WDR3: variants seen among roughly 807,000 people sequenced by gnomAD.
WDR3 encodes the protein WD repeat-containing protein 3.
In WDR3, 81 loss-of-function variants were observed where a neutral mutation model predicts 123.7. The observed-to-expected ratio is 0.65, with a 90% CI of 0.55 to 0.79. The LOEUF (loss-of-function observed/expected upper bound fraction) is 0.79, where lower values mean the gene tolerates loss of function less well. Ranked by LOEUF, WDR3 falls within the 30% of genes least tolerant of loss-of-function variation. The probability of loss-of-function intolerance (pLI) is 0.00; values close to 1 mark genes in which losing one functional copy is unlikely to be tolerated. For missense variants in WDR3, 1,027 were observed against 1,123.2 expected (o/e 0.91, Z 1.22); for synonymous variants, 390 against 388.8 (o/e 1.00, Z -0.04).
At chr1:117,941,283 A>T in intron 8 of WDR3, 58 bp downstream of exon 8, 1 of 1,508,462 alleles carries the variant, frequency 6.6e-7, no homozygotes, top group Non-Finnish European at 9.1e-7. Flanking sequence ...CCAAACACTC[A>T]TTCTTTCATA....
chr1:117,957,095 G>T lies in WDR3; in HGVS notation c.2481G>T (p.Leu827=), dbSNP rs1652316247. The T allele has an allele frequency of 1.9e-6, 3 of 1,600,992 alleles. No homozygotes were observed. Residue 827 remains leucine, a synonymous_variant, in exon 25 of 27, where the codon CTG becomes CTT. Transcript: ENST00000349139. ...SSELEESLLV[L]PFSYVPDILK... ...AGCTGGAAGAATCTCTACTTGTGCT[G>T]CCTTTCTCTTATGTCCCAGACATTC...
In WDR3 at chr1:117,938,480, T is replaced by C. The variant is rs1281734232; in HGVS notation, c.501T>C (p.Ser167=). ...ATTTTTTTCCTGTTTCTTCTTTTAG[T>C]GGGAAAGATACCATGGTGAAATGGT... is the stretch of plus-strand genomic sequence containing the variant. ...FLREKNLLVT[S]GKDTMVKWWD... Residue 167 remains serine (S), a splice_region_variant and synonymous_variant, in exon 5 of 27, where the codon AGT becomes AGC. Transcript: ENST00000349139. The C allele has an allele frequency of 1.9e-6, 3 of 1,611,966 alleles. No homozygotes were observed. The highest frequency in any genetic ancestry group is 2.5e-6 in the Non-Finnish European group (3 of 1,178,842).
At chr1:117,936,356 A>ACTAC (rs75986714) in intron 3 of WDR3, among the ~76,000 whole-genome samples, 68,656 of 151,698 alleles carry the variant, frequency 0.45, 15,769 homozygotes, top group South Asian at 0.63. Context: ...AAGGTTGGAA[A>ACTAC]CTAAATGTCT....
At position 117,941,207 on chromosome 1, in the gene WDR3, C is replaced by T. The variant is rs1651159164; in HGVS notation, c.873C>T (p.Gly291=). 6.2e-7 allele frequency: 1 copy of T among 1,614,058 alleles called. No individual in the cohort carries two copies. Among genetic ancestry groups the T allele is most frequent in the African/African-American group, 1.3e-5 (1 of 75,020 alleles). Residue 291 remains glycine, a synonymous_variant, in exon 8 of 27, where the codon GGC becomes GGT. Coordinates refer to ENST00000349139, the MANE Select transcript of WDR3 (RefSeq NM_006784.3). ...RVVNLAVDKT[G]RILACHGTDS... is the part of the protein sequence containing the mutation. ...TAAACCTTGCAGTCGACAAGACAGG[C>T]AGGATTCTTGCTTGCCATGTGAGTA...
intron 4 of WDR3, among the ~76,000 whole-genome samples, chr1:117,937,962 C>T (rs1006788779): frequency 1.3e-5 from 2 of 152,144 alleles, no homozygotes; most frequent in African/African-American, 4.8e-5. Context: ...GATGAGAGAA[C>T]AGCAATGGAC....
In WDR3 at chr1:117,960,827, TTGA is replaced by T. The variant is rs1255750456; in HGVS notation, c.*1382_*1384del. ...TGATCTGTATTTGTGTGTGTTAATGTTGATAATAGATTTGCGTGTATTTTATGG... is the reference window on the plus strand; with the variant it reads ...TGATCTGTATTTGTGTGTGTTAATGTTAATAGATTTGCGTGTATTTTATGG... On this transcript the variant is annotated 3_prime_UTR_variant, in exon 27 of 27. Transcript: ENST00000349139. 1 of 152,270 alleles carries T rather than the reference TTGA, an allele frequency of 6.6e-6. No individual in the cohort carries two copies. The highest frequency in any genetic ancestry group is 2.4e-5 in the African/African-American group (1 of 41,470). 9.4% of individuals were successfully genotyped at this position (152,270 alleles called of 1,614,324 possible).
intron 6 of WDR3, among the ~76,000 whole-genome samples, chr1:117,939,888 T>C (rs113860568): frequency 8.5e-5 from 13 of 152,318 alleles, no homozygotes; most frequent in African/African-American, 3.1e-4. Flanking sequence ...TCCCCTCAAA[T>C]ATATATGTAG....
chr1:117,937,442 A>G (rs1396436637), intron 4 of WDR3, among the ~76,000 whole-genome samples: 2 of 152,230 alleles, frequency 1.3e-5, no homozygotes, highest in Non-Finnish European at 2.9e-5. Flanking sequence ...AAGGTTTGCC[A>G]GGCATTAATT....
intron 13 of WDR3, 30 bp from the exon 14 acceptor site, chr1:117,949,721 T>C (rs1264100083): frequency 6.2e-7 from 1 of 1,608,260 alleles, no homozygotes; most frequent in Admixed American, 1.7e-5. Flanking sequence ...GCTAAAATAG[T>C]TTTTAATTGA....
intron 25 of WDR3, among the ~76,000 whole-genome samples, chr1:117,958,342 A>C (rs1346491735): frequency 6.6e-6 from 1 of 152,182 alleles, no homozygotes; most frequent in East Asian, 1.9e-4. Context: ...CATGTTACTA[A>C]CAATTTTTTT....
chr1:117,936,839 C>G lies in WDR3; in HGVS notation c.452C>G (p.Ala151Gly), dbSNP rs528506870. ...TACCGTCTAAAGGGGCACAAGGATG[C>G]CATCACACAAGCATTGTTTCTACGA... is the stretch of plus-strand genomic sequence containing the variant. ...GLYRLKGHKDAITQALFLREK... is the reference protein window; with the variant it reads ...GLYRLKGHKDGITQALFLREK... The change falls in exon 4 of 27, where the codon GCC becomes GGC. Residue 151 changes from alanine (A) to glycine (G), a missense_variant. By Grantham distance (60) the Ala-to-Gly change is moderately conservative. Coordinates refer to ENST00000349139, the MANE Select transcript of WDR3 (RefSeq NM_006784.3). The G allele has an allele frequency of 7.4e-6, 12 of 1,613,268 alleles. No individual in the cohort carries two copies. The African/African-American group carries it at 1.5e-4, about 20-fold the overall frequency.
chr1:117,947,887 A>T (rs1557821458), intron 12 of WDR3, among the ~76,000 whole-genome samples: 1 of 151,686 alleles, frequency 6.6e-6, no homozygotes. Flanking sequence ...TGCCATTATG[A>T]TTTTTTTTTA....
intron 11 of WDR3, 87 bp from the exon 12 acceptor site, chr1:117,945,999 C>T: frequency 3.3e-6 from 3 of 900,218 alleles, no homozygotes; most frequent in Non-Finnish European, 5.0e-6. Context: ...GTTGATCTGT[C>T]TAAGTGCATT....
chr1:117,932,348 G>C (rs1246953614), intron 1 of WDR3, among the ~76,000 whole-genome samples: 1 of 152,224 alleles, frequency 6.6e-6, no homozygotes, highest in Non-Finnish European at 1.5e-5. Context: ...AACTGCAATA[G>C]CAGCATCACT....
chr1:117,950,073 A>G lies in WDR3; in HGVS notation c.1689A>G (p.Leu563=). The change falls in exon 15 of 27, where the codon CTA becomes CTG. Residue 563 remains leucine (L), a synonymous_variant. Coordinates refer to ENST00000349139, the MANE Select transcript of WDR3 (RefSeq NM_006784.3). The part of the protein sequence containing the change: ...LCVSYSPNQK[L]LAVSLLDCTV... ...TCAGTTACTCTCCCAATCAAAAGCTATTGGCTGTGTCTTTGCTGGACTGTA... is the reference window on the plus strand; with the variant it reads ...TCAGTTACTCTCCCAATCAAAAGCTGTTGGCTGTGTCTTTGCTGGACTGTA... 1.2e-6 allele frequency: 2 copies of G among 1,613,860 alleles called. No individual in the cohort carries two copies. Among genetic ancestry groups the G allele is most frequent in the Non-Finnish European group, 1.7e-6 (2 of 1,179,892 alleles).
At chr1:117,941,464 A>G (rs1651168306) in intron 8 of WDR3, among the ~76,000 whole-genome samples, 1 of 152,152 alleles carries the variant, frequency 6.6e-6, no homozygotes, top group Non-Finnish European at 1.5e-5. Context: ...AATAATTGCA[A>G]TTACTTTTGT....
At chr1:117,951,930 A>G (rs1420750516) in intron 16 of WDR3, 46 bp from the exon 17 acceptor site, 1 of 1,539,942 alleles carries the variant, frequency 6.5e-7, no homozygotes, top group South Asian at 1.1e-5. Context: ...TTATTCATAT[A>G]CGGAATTCAA....
chr1:117,957,299 G>A (rs1397992903), intron 25 of WDR3, 103 bp downstream of exon 25: 9 of 1,377,258 alleles, frequency 6.5e-6, no homozygotes, highest in East Asian at 5.2e-5. Context: ...ATAGTATGCC[G>A]AACTCGGTGG....
At chr1:117,952,504 C>G (rs752979044) in intron 18 of WDR3, 24 bp from the exon 19 acceptor site, 23 of 1,597,450 alleles carry the variant, frequency 1.4e-5, no homozygotes, top group Non-Finnish European at 1.8e-5. Context: ...ATGAGGTATT[C>G]TTTATTTTTT....
Sources: gnomAD v4.1 joint callset for allele counts (sites outside exome capture counted in the v4.1 genomes callset) on GRCh38, gnomAD v4.1.1 for gene constraint, MANE v1.5 for transcripts, NCBI Gene and HGNC (gene_info 2026-07-23, HGNC 2026-07-21) for gene names.